DDX39A: variants seen among roughly 807,000 people sequenced by gnomAD.
DDX39A encodes the protein DExD-box helicase 39A.
Under a neutral mutation model 46.3 loss-of-function variants are expected in DDX39A, and 13 were observed. The ratio of observed to expected loss-of-function variants is 0.28; its 90% CI spans 0.18 to 0.45. DDX39A has a LOEUF of 0.45. Among genes scored for constraint, DDX39A ranks in the 20% least tolerant of loss-of-function variants. The pLI is 1.00. For synonymous variants in DDX39A, 234 were observed against 224.6 expected, an observed-to-expected ratio of 1.04 and a Z score of -0.38; for missense variants, 352 against 581.8, an observed-to-expected ratio of 0.61 and a Z score of 4.06.
At chr19:14,414,401 G>A (rs1165352389) in intron 1 of DDX39A, among the ~76,000 whole-genome samples, 4 of 149,068 alleles carry the variant, frequency 2.7e-5, no homozygotes, top group African/African-American at 9.8e-5. Context: ...CACCCAGGCT[G>A]CAGTGCAGTG....
intron 1 of DDX39A, among the ~76,000 whole-genome samples, chr19:14,415,431 G>C (rs1976771437): frequency 6.6e-6 from 1 of 151,840 alleles, no homozygotes; most frequent in African/African-American, 2.4e-5. Flanking sequence ...AGCCTCCCTA[G>C]TAGCAGGAGC....
At position 14,411,363 on chromosome 19, in the gene DDX39A, G is replaced by T; in HGVS notation, c.429+143C>A. 1 of 1,020,970 alleles carries T rather than the reference G, an allele frequency of 9.8e-7. No individual in the cohort carries two copies. The highest frequency in any genetic ancestry group is 1.5e-6 in the Non-Finnish European group (1 of 689,224). The allele number at this position is 1,020,970 out of a possible 1,614,324, so 63.2% of individuals were successfully genotyped here. On this transcript the variant is annotated intron_variant, in intron 4 of 10. Coordinates refer to ENST00000242776, the MANE Select transcript of DDX39A (RefSeq NM_005804.4). This position sits in a 1 kb window ranked among gnomAD's most constrained non-coding sequence, Gnocchi z 4.1. ...CTGGGAGCCATGCATAATTCATCAGGCTTTTAAGGAGCAAAAACCACCGCA... is the reference window on the plus strand; with the variant it reads ...CTGGGAGCCATGCATAATTCATCAGTCTTTTAAGGAGCAAAAACCACCGCA...
In DDX39A at chr19:14,412,969, C is replaced by G. The variant is rs772075842; in HGVS notation, c.208+44G>C. The G allele has an allele frequency of 1.3e-6, 2 of 1,593,560 alleles. No individual in the cohort carries two copies. The highest frequency in any genetic ancestry group is 1.7e-6 in the Non-Finnish European group (2 of 1,167,832). On this transcript the variant is annotated intron_variant, in intron 2 of 10. Transcript: ENST00000242776. This position sits in a 1 kb window ranked among gnomAD's most constrained non-coding sequence, Gnocchi z 4.4. The stretch of plus-strand genomic sequence containing the variant: ...TCTGGGCGGGCAGGGCTGGTCTTGT[C>G]TTGGTGAGGACCTGGGCAAGAGGAT...
chr19:14,412,671 A>G lies in DDX39A; in HGVS notation c.216T>C (p.His72=). 6.2e-7 allele frequency: 1 copy of G among 1,604,886 alleles called. No individual in the cohort carries two copies. Among genetic ancestry groups the G allele is most frequent in the Non-Finnish European group, 8.5e-7 (1 of 1,178,730 alleles). The change falls in exon 3 of 11, where the codon CAT becomes CAC. Residue 72 remains histidine, a synonymous_variant. Transcript: ENST00000242776. The surrounding 1 kb of genome is among the most constrained non-coding windows in gnomAD (Gnocchi z 4.4). ...CGFEHPSEVQ[H]ECIPQAILGM... is the part of the protein sequence containing the mutation. ...CCAGGATGGCCTGGGGAATGCACTC[A>G]TGCTGGACTGCAGGAGAAGCAGAGC...
intron 1 of DDX39A, among the ~76,000 whole-genome samples, chr19:14,415,758 G>A (rs1209594766): frequency 6.6e-6 from 1 of 151,590 alleles, no homozygotes; most frequent in Non-Finnish European, 1.5e-5. Context: ...CCTCCCCAGA[G>A]CAGCCAGAAA....
intron 1 of DDX39A, 141 bp from the exon 2 acceptor site, chr19:14,413,365 C>T: frequency 2.8e-6 from 2 of 714,994 alleles, no homozygotes; most frequent in Middle Eastern, 3.9e-4. Flanking sequence ...TTCGCCCTGT[C>T]TCCACCTCCC....
At chr19:14,417,872 T>A (rs200693659) in intron 1 of DDX39A, among the ~76,000 whole-genome samples, 3 of 150,048 alleles carry the variant, frequency 2.0e-5, no homozygotes, top group East Asian at 2.0e-4. Flanking sequence ...AAAATAAATT[T>A]AAAAAAAGAA....
At position 14,410,804 on chromosome 19, in the gene DDX39A, G is replaced by A. The variant is rs1976555585; in HGVS notation, c.613+185C>T. The stretch of plus-strand genomic sequence containing the variant: ...AGGGACGGGGGCTTGCTTGGGCCCC[G>A]TGGTCCCATTCGGCTCGGGCTCAGA... On this transcript the variant is annotated intron_variant, in intron 5 of 10. Coordinates refer to ENST00000242776, the MANE Select transcript of DDX39A (RefSeq NM_005804.4). The surrounding 1 kb of genome is among the most constrained non-coding windows in gnomAD (Gnocchi z 4.3). The A allele has an allele frequency of 2.4e-5, 14 of 579,272 alleles. No individual in the cohort carries two copies. In the South Asian group the frequency reaches 2.5e-4, roughly 10 times the overall value. 35.9% of individuals were successfully genotyped at this position (579,272 alleles called of 1,614,324 possible). A position where few individuals can be genotyped will look rare whatever the true frequency, so the allele number is the denominator to read the frequency against.
Position 14,409,144 on chromosome 19 carries a change from A to G in DDX39A, c.1160T>C (p.Ile387Thr). 1 of 1,614,176 alleles carries G rather than the reference A, an allele frequency of 6.2e-7. No homozygotes were observed. The highest frequency in any genetic ancestry group is 8.5e-7 in the Non-Finnish European group (1 of 1,180,020). The change falls in exon 10 of 11, where the codon ATC becomes ACC. Residue 387 changes from isoleucine to threonine, a missense_variant. Transcript: ENST00000242776. The surrounding 1 kb of genome is among the most constrained non-coding windows in gnomAD (Gnocchi z 8.3). Reference protein sequence around the residue: ...AGRFGTKGLAITFVSDENDAK... With the variant: ...AGRFGTKGLATTFVSDENDAK... ...ATCATTCTCGTCAGACACAAAAGTGATGGCTAGGCCTTTGGTGCCAAAGCG... is the reference window on the plus strand; with the variant it reads ...ATCATTCTCGTCAGACACAAAAGTGGTGGCTAGGCCTTTGGTGCCAAAGCG...
In DDX39A at chr19:14,410,941, C is replaced by T. The variant is rs549607954; in HGVS notation, c.613+48G>A. ...AGAGCCTTCCGCCTGCTATGGGGCCCGCCTAGTCACTGACTCTCAGCTGGG... is the reference window on the plus strand; with the variant it reads ...AGAGCCTTCCGCCTGCTATGGGGCCTGCCTAGTCACTGACTCTCAGCTGGG... On this transcript the variant is annotated intron_variant, in intron 5 of 10. Transcript: ENST00000242776. The surrounding 1 kb of genome is among the most constrained non-coding windows in gnomAD (Gnocchi z 4.3). 7.5e-5 allele frequency: 112 copies of T among 1,492,640 alleles called. 1 individual carries two copies. In the South Asian group the frequency reaches 1.2e-3, roughly 16 times the overall value. The allele number at this position is 1,492,640 out of a possible 1,614,324, so 92.5% of individuals were successfully genotyped here. A position where few individuals can be genotyped will look rare whatever the true frequency, so the allele number is the denominator to read the frequency against.
chr19:14,412,873 C>T lies in DDX39A; in HGVS notation c.208+140G>A, dbSNP rs1568328094. The T allele has an allele frequency of 3.9e-6, 5 of 1,268,026 alleles. No individual in the cohort carries two copies. The highest frequency in any genetic ancestry group is 2.9e-5 in the South Asian group (2 of 68,878). The allele number at this position is 1,268,026 out of a possible 1,614,324, so 78.5% of individuals were successfully genotyped here. A position where few individuals can be genotyped will look rare whatever the true frequency, so the allele number is the denominator to read the frequency against. On this transcript the variant is annotated intron_variant, in intron 2 of 10. Coordinates refer to ENST00000242776, the MANE Select transcript of DDX39A (RefSeq NM_005804.4). This position sits in a 1 kb window ranked among gnomAD's most constrained non-coding sequence, Gnocchi z 4.4. ...CACTGCCGAGGGCAGCCACAGGCCC[C>T]GCTGGGCACAACTGATCCGCGGGAC...
chr19:14,412,599 C>T lies in DDX39A; in HGVS notation c.288G>A (p.Ala96=), dbSNP rs761746247. The change falls in exon 3 of 11, where the codon GCG becomes GCA. Residue 96 remains alanine (A), a synonymous_variant. Coordinates refer to ENST00000242776, the MANE Select transcript of DDX39A (RefSeq NM_005804.4). This position sits in a 1 kb window ranked among gnomAD's most constrained non-coding sequence, Gnocchi z 4.4. ...CQAKSGMGKT[A]VFVLATLQQI... is the part of the protein sequence containing the mutation. ...GCTGTAGGGTGGCCAGCACGAAGAC[C>T]GCTGTCTTGCCCATCCCGGACTTGG... is the stretch of plus-strand genomic sequence containing the variant. 36 of 1,610,988 alleles carry T rather than the reference C, an allele frequency of 2.2e-5. No individual in the cohort carries two copies. Among genetic ancestry groups the T allele is most frequent in the Middle Eastern group, 3.3e-4 (2 of 6,062 alleles).
At chr19:14,416,698 G>GT (rs1458968184) in intron 1 of DDX39A, among the ~76,000 whole-genome samples, 5 of 152,024 alleles carry the variant, frequency 3.3e-5, no homozygotes, top group African/African-American at 9.7e-5. Context: ...TTGTTTTTTT[G>GT]TTTTTTGAGA....
Position 14,411,284 on chromosome 19 carries a change from A to C in DDX39A, c.430-112T>G, listed in dbSNP as rs1976580114. On this transcript the variant is annotated intron_variant, in intron 4 of 10. Coordinates refer to ENST00000242776, the MANE Select transcript of DDX39A (RefSeq NM_005804.4). The surrounding 1 kb of genome is among the most constrained non-coding windows in gnomAD (Gnocchi z 4.1). ...CTCAGGGGACCAAGGCAGGCCTGAG[A>C]GCCTCCCGGGGCTCCACTCAAAGGC... The C allele has an allele frequency of 3.1e-6, 4 of 1,301,588 alleles. No homozygotes were observed. Among genetic ancestry groups the C allele is most frequent in the Non-Finnish European group, 4.2e-6 (4 of 951,846 alleles). 80.6% of individuals were successfully genotyped at this position (1,301,588 alleles called of 1,614,324 possible).
At chr19:14,413,980 C>G (rs1019238965) in intron 1 of DDX39A, 1 of 152,204 alleles carries the variant, frequency 6.6e-6, no homozygotes, top group African/African-American at 2.4e-5. Flanking sequence ...GTCTGCCTAC[C>G]TCTTTGCTTT....
chr19:14,409,439 C>T lies in DDX39A; in HGVS notation c.983G>A (p.Arg328His), dbSNP rs760992758. ...CTGGAAATCCTTGAACTGCTGATAG[C>T]GTGACAGGCTGGGGTGCAGGAGAAA... ...RGMAQEERLS[R>H]YQQFKDFQRR... The change falls in exon 9 of 11, where the codon CGC becomes CAC. Residue 328 changes from arginine (R) to histidine (H), a missense_variant. Physicochemically the swap from Arg to His is conservative, Grantham distance 29 (BLOSUM62 0). Transcript: ENST00000242776. This position sits in a 1 kb window ranked among gnomAD's most constrained non-coding sequence, Gnocchi z 8.3. 1.5e-5 allele frequency: 25 copies of T among 1,613,952 alleles called. No individual in the cohort carries two copies. Among genetic ancestry groups the T allele is most frequent in the African/African-American group, 2.7e-5 (2 of 74,942 alleles).
chr19:14,411,247 C>A lies in DDX39A; in HGVS notation c.430-75G>T. 6.7e-7 allele frequency: 1 copy of A among 1,482,264 alleles called. No homozygotes were observed. Among genetic ancestry groups the A allele is most frequent in the Middle Eastern group, 2.1e-4 (1 of 4,784 alleles). 91.8% of individuals were successfully genotyped at this position (1,482,264 alleles called of 1,614,324 possible). A position where few individuals can be genotyped will look rare whatever the true frequency, so the allele number is the denominator to read the frequency against. On this transcript the variant is annotated intron_variant, in intron 4 of 10. Transcript: ENST00000242776. The surrounding 1 kb of genome is among the most constrained non-coding windows in gnomAD (Gnocchi z 4.1). Reference sequence around the variant, plus strand: ...CCCAACCTGCACGGCCCAGCACCTGCGAACAGGAGGCCTCAGGGGACCAAG... The same window carrying A: ...CCCAACCTGCACGGCCCAGCACCTGAGAACAGGAGGCCTCAGGGGACCAAG...
chr19:14,414,608 TA>T (rs1050888455), intron 1 of DDX39A, among the ~76,000 whole-genome samples: 1 of 145,224 alleles, frequency 6.9e-6, no homozygotes, highest in Non-Finnish European at 1.5e-5. Context: ...CTCAGCCTCC[TA>T]AAGTGCTGGG....
At chr19:14,419,119 A>T (rs1599303365) in intron 1 of DDX39A, 151 bp downstream of exon 1, 2 of 392,454 alleles carry the variant, frequency 5.1e-6, no homozygotes, top group East Asian at 1.5e-4. Context: ...AACGGCCAAC[A>T]CACAGCGCTC....
Sources: allele counts gnomAD v4.1 joint callset (sites outside exome capture counted in the v4.1 genomes callset), GRCh38; gene constraint gnomAD v4.1.1; non-coding constraint Gnocchi (gnomAD v3.1); transcripts MANE v1.5; gene names NCBI Gene and HGNC (gene_info 2026-07-23, HGNC 2026-07-21).